Variants in FSIP2 observed in about 807,000 individuals in gnomAD.
The protein encoded by FSIP2 is fibrous sheath-interacting protein 2.
FSIP2 carries 367 observed loss-of-function variants against 510.5 expected under a neutral mutation model. That is an observed-to-expected ratio of 0.72 (90% CI 0.66 to 0.78). The LOEUF is 0.78. FSIP2 is among the 30% of genes least tolerant of loss of function. The pLI is 0.00. For missense variants in FSIP2, 7,594 were observed against 7,901.7 expected (o/e 0.96, Z 1.48); for synonymous variants, 2,601 against 2,732.2 (o/e 0.95, Z 1.50).
Position 185,747,321 on chromosome 2 carries a change from G to C in FSIP2, c.768G>C (p.Lys256Asn). The C allele has an allele frequency of 6.6e-7, 1 of 1,517,296 alleles. No individual in the cohort carries two copies. Among genetic ancestry groups the C allele is most frequent in the Non-Finnish European group, 8.9e-7 (1 of 1,129,926 alleles). The allele number at this position is 1,517,296 out of a possible 1,614,324, so 94.0% of individuals were successfully genotyped here. The part of the protein sequence containing the change: ...TLRRKIEEEW[K>N]TKEMLLLTRM... Reference sequence around the variant, plus strand: ...AACATTGTGATTTCTAGGAATGGAAGACAAAAGAGATGTTACTTCTGACAA... The same window carrying C: ...AACATTGTGATTTCTAGGAATGGAACACAAAAGAGATGTTACTTCTGACAA... Residue 256 changes from lysine to asparagine, a missense_variant, in exon 7 of 23, where the codon AAG becomes AAC. Coordinates refer to ENST00000424728, the MANE Select transcript of FSIP2 (RefSeq NM_173651.4).
intron 19 of FSIP2, 76 bp downstream of exon 19, chr2:185,815,547 A>T: frequency 1.6e-6 from 1 of 607,158 alleles, no homozygotes; most frequent in Non-Finnish European, 2.9e-6. Context: ...GCCCCTGGCA[A>T]AACTGTAATT....
At chr2:185,819,875 G>A (rs1424706744) in intron 19 of FSIP2, among the ~76,000 whole-genome samples, 2 of 151,780 alleles carry the variant, frequency 1.3e-5, no homozygotes, top group African/African-American at 2.4e-5. Flanking sequence ...TTCTTGAGAC[G>A]TAACCCCATT....
intron 9 of FSIP2, among the ~76,000 whole-genome samples, chr2:185,760,082 C>T (rs1692320594): frequency 6.6e-6 from 1 of 150,638 alleles, no homozygotes; most frequent in Non-Finnish European, 1.5e-5. Context: ...TTTATTATTT[C>T]ATTTATTAAT....
intron 21 of FSIP2, 31 bp from the exon 22 acceptor site, chr2:185,831,782 A>C: frequency 6.8e-7 from 1 of 1,464,934 alleles, no homozygotes; most frequent in Non-Finnish European, 9.6e-7. Flanking sequence ...CCAGTGAAAG[A>C]CTCAGTTTGT....
At chr2:185,774,162 G>A (rs570854694) in intron 13 of FSIP2, among the ~76,000 whole-genome samples, 2 of 152,092 alleles carry the variant, frequency 1.3e-5, no homozygotes, top group Non-Finnish European at 2.9e-5. Flanking sequence ...ACAAGAAGTT[G>A]TCATTTGCCT....
chr2:185,811,680 T>C (rs1026690601), intron 17 of FSIP2, among the ~76,000 whole-genome samples: 2 of 152,162 alleles, frequency 1.3e-5, no homozygotes, highest in East Asian at 3.9e-4. Flanking sequence ...CTCACTGCAC[T>C]CTGTTTGATT....
chr2:185,795,570 C>T lies in FSIP2; in HGVS notation c.8434C>T (p.Pro2812Ser). Residue 2812 changes from proline (P) to serine (S), a missense_variant, in exon 16 of 23, where the codon CCT becomes TCT. Coordinates refer to ENST00000424728, the MANE Select transcript of FSIP2 (RefSeq NM_173651.4). ...SQGNIGTGSL[P>S]KQQACFYLEN... ...GGGGAATATAGGCACAGGATCCCTTCCTAAACAACAAGCATGTTTTTACTT... is the reference window on the plus strand; with the variant it reads ...GGGGAATATAGGCACAGGATCCCTTTCTAAACAACAAGCATGTTTTTACTT... 6.5e-7 allele frequency: 1 copy of T among 1,535,050 alleles called. No homozygotes were observed. Among genetic ancestry groups the T allele is most frequent in the South Asian group, 1.2e-5 (1 of 84,016 alleles).
chr2:185,825,665 T>C lies in FSIP2; in HGVS notation c.20473+1185T>C, dbSNP rs972301848. On this transcript the variant is annotated intron_variant, in intron 20 of 22. Coordinates refer to ENST00000424728, the MANE Select transcript of FSIP2 (RefSeq NM_173651.4). ...TTTATCCAACTTAATTTTGGTGATC[T>C]TGCTTAGTTCTTATATCTTTTAGTA... is the stretch of plus-strand genomic sequence containing the variant. Among the ~76,000 whole-genome samples the C allele has an allele frequency of 5.9e-5, 9 of 151,806 alleles. No homozygotes were observed. In the East Asian group the frequency reaches 1.8e-3, roughly 30 times the overall value.
At chr2:185,749,858 A>G (rs769846838) in intron 7 of FSIP2, among the ~76,000 whole-genome samples, 12 of 151,758 alleles carry the variant, frequency 7.9e-5, no homozygotes, top group African/African-American at 1.2e-4. Context: ...TTTGCTGAAC[A>G]TTTCTATCAG....
chr2:185,832,376 A>G (rs1041888171), intron 22 of FSIP2, among the ~76,000 whole-genome samples: 5 of 151,782 alleles, frequency 3.3e-5, no homozygotes, highest in African/African-American at 4.8e-5. Flanking sequence ...GGCAGTTGCT[A>G]CTCATCTACA....
chr2:185,832,457 T>C (rs1391303001), intron 22 of FSIP2, among the ~76,000 whole-genome samples: 1 of 151,914 alleles, frequency 6.6e-6, no homozygotes, highest in Non-Finnish European at 1.5e-5. Context: ...AAGTTTTATA[T>C]TAAAATGTAT....
chr2:185,757,051 C>A (rs1263438035), intron 9 of FSIP2, among the ~76,000 whole-genome samples: 1 of 151,226 alleles, frequency 6.6e-6, no homozygotes, highest in Non-Finnish European at 1.5e-5. Flanking sequence ...ATTCATGGGT[C>A]CCATTTTTAA....
Position 185,788,807 on chromosome 2 carries a change from T to C in FSIP2, c.1671T>C (p.Ser557=). ...CCATCCTCTCTTCAGATAGTTCAAG[T>C]TTCTGTAGCACGTGCAGTGAAGACT... ...DDSILSSDSS[S]FCSTCSEDFT... Residue 557 remains serine (S), a synonymous_variant, in exon 16 of 23, where the codon AGT becomes AGC. Coordinates refer to ENST00000424728, the MANE Select transcript of FSIP2 (RefSeq NM_173651.4). The C allele has an allele frequency of 3.3e-6, 5 of 1,534,570 alleles. No homozygotes were observed. Among genetic ancestry groups the C allele is most frequent in the Non-Finnish European group, 4.4e-6 (5 of 1,145,832 alleles).
At chr2:185,744,102 A>T (rs1029174164) in intron 3 of FSIP2, among the ~76,000 whole-genome samples, 1 of 151,886 alleles carries the variant, frequency 6.6e-6, no homozygotes, top group African/African-American at 2.4e-5. Context: ...ATGTTTTTGG[A>T]TAGAAATTTA....
chr2:185,745,611 C>T, intron 5 of FSIP2, 43 bp downstream of exon 5: 1 of 1,473,738 alleles, frequency 6.8e-7, no homozygotes, highest in Non-Finnish European at 9.0e-7. Flanking sequence ...ATGTTGTGGA[C>T]CCAAATAAGC....
rs759111961 is a variant in FSIP2, at chr2:185,803,993, C to G, written c.14687C>G (p.Ala4896Gly). ...SISDIPVSKI[A>G]SFIIKEIFNH... Reference sequence around the variant, plus strand: ...AGTGACATACCTGTTTCAAAAATAGCGAGTTTTATAATAAAAGAAATCTTT... The same window carrying G: ...AGTGACATACCTGTTTCAAAAATAGGGAGTTTTATAATAAAAGAAATCTTT... Residue 4896 changes from alanine (A) to glycine (G), a missense_variant, in exon 17 of 23, where the codon GCG becomes GGG. By Grantham distance (60) the Ala-to-Gly change is moderately conservative. Coordinates refer to ENST00000424728, the MANE Select transcript of FSIP2 (RefSeq NM_173651.4). The G allele has an allele frequency of 2.0e-6, 3 of 1,493,364 alleles. No homozygotes were observed. Among genetic ancestry groups the G allele is most frequent in the Non-Finnish European group, 2.7e-6 (3 of 1,124,010 alleles). 92.5% of individuals were successfully genotyped at this position (1,493,364 alleles called of 1,614,324 possible). A position where few individuals can be genotyped will look rare whatever the true frequency, so the allele number is the denominator to read the frequency against.
Position 185,825,487 on chromosome 2 carries a change from T to C in FSIP2, c.20473+1007T>C, listed in dbSNP as rs1300889283. Among the ~76,000 whole-genome samples, 3 of 151,818 alleles carry C rather than the reference T, an allele frequency of 2.0e-5. No homozygotes were observed. In the East Asian group the frequency reaches 5.9e-4, roughly 30 times the overall value. ...TACCTATTGGGTATAATATTCACTATTTGGGTGATAGGTACACTAGAAGTC... is the reference window on the plus strand; with the variant it reads ...TACCTATTGGGTATAATATTCACTACTTGGGTGATAGGTACACTAGAAGTC... On this transcript the variant is annotated intron_variant, in intron 20 of 22. Coordinates refer to ENST00000424728, the MANE Select transcript of FSIP2 (RefSeq NM_173651.4).
At chr2:185,751,468 T>TGA (rs1461454247) in intron 7 of FSIP2, among the ~76,000 whole-genome samples, 1 of 131,894 alleles carries the variant, frequency 7.6e-6, no homozygotes, top group Non-Finnish European at 1.8e-5. Flanking sequence ...TTTCTGTGTG[T>TGA]GTGTGTGTGT....
chr2:185,808,597 CAACA>C lies in FSIP2; in HGVS notation c.19293_19296del (p.Gln6431HisfsTer12), dbSNP rs1211685329. On this transcript the variant is annotated frameshift_variant, in exon 17 of 23. Coordinates refer to ENST00000424728, the MANE Select transcript of FSIP2 (RefSeq NM_173651.4). LOFTEE classifies it high-confidence loss of function. ...CGATTCCGTTTATAGTAACATACTG[CAACA>C]ATCAGGAACCAACAAAGAATTTTAT... is the stretch of plus-strand genomic sequence containing the variant. 1 of 1,607,334 alleles carries C rather than the reference CAACA, an allele frequency of 6.2e-7. No individual in the cohort carries two copies. The highest frequency in any genetic ancestry group is 1.3e-5 in the African/African-American group (1 of 74,660).
Sources: allele counts gnomAD v4.1 joint callset (sites outside exome capture counted in the v4.1 genomes callset), GRCh38; gene constraint gnomAD v4.1.1; transcripts MANE v1.5; gene names NCBI Gene and HGNC (gene_info 2026-07-23, HGNC 2026-07-21).